DSCAM: variants seen among roughly 807,000 people sequenced by gnomAD.
DSCAM encodes the protein DS cell adhesion molecule.
A neutral mutation model predicts 217.7 loss-of-function variants in DSCAM; 47 were observed. The observed-to-expected ratio is 0.22, with a 90% CI of 0.17 to 0.28. DSCAM has a LOEUF of 0.28. Ranked by LOEUF, DSCAM falls within the 10% of genes least tolerant of loss-of-function variation. The pLI is 1.00. For missense variants in DSCAM, 2,080 were observed against 2,618.3 expected (o/e 0.79, Z 4.49); for synonymous variants, 1,056 against 1,015.3 (o/e 1.04, Z -0.76).
At chr21:40,704,039 T>A (rs1471931830) in intron 2 of DSCAM, among the ~76,000 whole-genome samples, 1 of 152,148 alleles carries the variant, frequency 6.6e-6, no homozygotes, top group Non-Finnish European at 1.5e-5. Context: ...TATTTATACA[T>A]TATTATTATT....
chr21:40,148,842 T>C (rs1374171459), intron 16 of DSCAM, among the ~76,000 whole-genome samples: 2 of 152,028 alleles, frequency 1.3e-5, no homozygotes, highest in African/African-American at 2.4e-5. Flanking sequence ...CAACCACCAG[T>C]ATCAACATCA....
At chr21:40,493,873 A>ATATAT (rs1380592882) in intron 3 of DSCAM, among the ~76,000 whole-genome samples, 2 of 137,238 alleles carry the variant, frequency 1.5e-5, no homozygotes, top group South Asian at 2.4e-4. Flanking sequence ...CAAAAAAAAA[A>ATATAT]AAAAAAATAT....
chr21:40,262,765 A>G (rs1231300386), intron 11 of DSCAM, among the ~76,000 whole-genome samples: 1 of 152,236 alleles, frequency 6.6e-6, no homozygotes, highest in African/African-American at 2.4e-5. Flanking sequence ...GAAATGAGGT[A>G]CAAGGACAGC....
In DSCAM at chr21:40,648,491, G is replaced by A. The variant is rs560698587; in HGVS notation, c.508+44319C>T. Among the ~76,000 whole-genome samples, 40 of 152,206 alleles carry A rather than the reference G, an allele frequency of 2.6e-4. 1 individual carries two copies. In the South Asian group the frequency reaches 3.5e-3, roughly 13 times the overall value. ...CCCATTGAAACCCAACCTTCAAGCCGAAGACAGTTTAAAGCCTAGCTATAA... is the reference window on the plus strand; with the variant it reads ...CCCATTGAAACCCAACCTTCAAGCCAAAGACAGTTTAAAGCCTAGCTATAA... On this transcript the variant is annotated intron_variant, in intron 3 of 32. Coordinates refer to ENST00000400454, the MANE Select transcript of DSCAM (RefSeq NM_001389.5).
At chr21:40,349,005 C>T (rs1000437977) in intron 5 of DSCAM, among the ~76,000 whole-genome samples, 13 of 151,274 alleles carry the variant, frequency 8.6e-5, no homozygotes, top group East Asian at 3.9e-4. Context: ...GGCGTGGTGG[C>T]GGGCTCCTGT....
At chr21:40,086,566 C>T (rs748179297) in intron 22 of DSCAM, among the ~76,000 whole-genome samples, 10 of 152,096 alleles carry the variant, frequency 6.6e-5, no homozygotes, top group Non-Finnish European at 1.5e-5. Context: ...AATGAATTTT[C>T]GACCCTTAAC....
At chr21:40,351,423 G>T (rs2074629898) in intron 5 of DSCAM, among the ~76,000 whole-genome samples, 1 of 152,166 alleles carries the variant, frequency 6.6e-6, no homozygotes, top group African/African-American at 2.4e-5. Flanking sequence ...CTAAATTTCT[G>T]AAAGAAAGCT....
In DSCAM at chr21:40,016,367, G is replaced by A. The variant is rs2088157517; in HGVS notation, c.5687-2981C>T. On this transcript the variant is annotated intron_variant, in intron 32 of 32. Coordinates refer to ENST00000400454, the MANE Select transcript of DSCAM (RefSeq NM_001389.5). This position sits in a 1 kb window ranked among gnomAD's most constrained non-coding sequence, Gnocchi z 4.3. Reference sequence around the variant, plus strand: ...ATCACTAACTGTGAAAGGGTGTATAGGGGAAAGATCGTACTTTGATGACAA... The same window carrying A: ...ATCACTAACTGTGAAAGGGTGTATAAGGGAAAGATCGTACTTTGATGACAA... Among the ~76,000 whole-genome samples, 2 of 152,164 alleles carry A rather than the reference G, an allele frequency of 1.3e-5. No individual in the cohort carries two copies. Among genetic ancestry groups the A allele is most frequent in the Non-Finnish European group, 1.5e-5 (1 of 68,024 alleles).
intron 1 of DSCAM, among the ~76,000 whole-genome samples, chr21:40,777,865 A>G (rs1213512699): frequency 1.4e-4 from 21 of 152,190 alleles, no homozygotes; most frequent in Admixed American, 1.4e-3. Context: ...CAGAACATCA[A>G]AAACAAAGAG....
At chr21:40,801,403 G>C (rs1328190061) in intron 1 of DSCAM, among the ~76,000 whole-genome samples, 1 of 152,196 alleles carries the variant, frequency 6.6e-6, no homozygotes, top group African/African-American at 2.4e-5. Flanking sequence ...AGAAAATCAA[G>C]GGTGTAGCTC....
intron 3 of DSCAM, among the ~76,000 whole-genome samples, chr21:40,653,060 C>G (rs767725948): frequency 6.6e-6 from 1 of 152,210 alleles, no homozygotes; most frequent in Non-Finnish European, 1.5e-5. Context: ...CTATAGGTCT[C>G]CGGGAAAGAC....
chr21:40,674,801 C>T (rs2003641), intron 3 of DSCAM, among the ~76,000 whole-genome samples: 71,544 of 151,414 alleles, frequency 0.47, 17,298 homozygotes, highest in East Asian at 0.59. Flanking sequence ...CCCGGCTAAT[C>T]TTTTGTATTT....
chr21:40,464,789 G>A (rs1458466892), intron 3 of DSCAM, among the ~76,000 whole-genome samples: 1 of 148,968 alleles, frequency 6.7e-6, no homozygotes, highest in East Asian at 2.0e-4. Context: ...TTGCCAGGCT[G>A]GAGCACGGTG....
Position 40,838,125 on chromosome 21 carries a change from ATAAAT to A in DSCAM, c.43+8489_43+8493del, listed in dbSNP as rs377443953. Reference sequence around the variant, plus strand: ...ATAGCTGTCTTTTGTATTTAAAAAAATAAATTAAATTAAAATATACATAGAATTGC... The same window carrying A: ...ATAGCTGTCTTTTGTATTTAAAAAAATAAATTAAAATATACATAGAATTGC... On this transcript the variant is annotated intron_variant, in intron 1 of 32. Coordinates refer to ENST00000400454, the MANE Select transcript of DSCAM (RefSeq NM_001389.5). Among the ~76,000 whole-genome samples, 56 of 152,380 alleles carry A rather than the reference ATAAAT, an allele frequency of 3.7e-4. No individual in the cohort carries two copies. The East Asian group carries it at 7.7e-3, about 21-fold the overall frequency.
rs780138170 is a variant in DSCAM, at chr21:40,078,910, G to A, written c.4488C>T (p.Leu1496=). The part of the protein sequence containing the change: ...SINTTRVRLN[L]IGWNDGGCPI... ...GGCAGCCGCCATCATTCCAGCCAAT[G>A]AGGTTCAGCCTCACGCGTGTGGTGT... The change falls in exon 26 of 33, where the codon CTC becomes CTT. Residue 1496 remains leucine, a synonymous_variant. Coordinates refer to ENST00000400454, the MANE Select transcript of DSCAM (RefSeq NM_001389.5). 6.2e-7 allele frequency: 1 copy of A among 1,614,252 alleles called. No individual in the cohort carries two copies.
chr21:40,778,798 G>T (rs945711667), intron 1 of DSCAM, among the ~76,000 whole-genome samples: 4 of 152,040 alleles, frequency 2.6e-5, no homozygotes, highest in African/African-American at 9.7e-5. Flanking sequence ...GCCAAGGAGG[G>T]TGGATCATCT....
intron 15 of DSCAM, among the ~76,000 whole-genome samples, chr21:40,176,165 T>C (rs1206573137): frequency 6.6e-6 from 1 of 152,042 alleles, no homozygotes; most frequent in Non-Finnish European, 1.5e-5. Context: ...TGAACTTGAC[T>C]TTTCAAGGAA....
intron 3 of DSCAM, among the ~76,000 whole-genome samples, chr21:40,651,636 T>C (rs189020905): frequency 1.4e-4 from 21 of 152,318 alleles, no homozygotes; most frequent in South Asian, 4.1e-4. Flanking sequence ...TTCGTCACTC[T>C]CTGACCTGTT....
intron 3 of DSCAM, among the ~76,000 whole-genome samples, chr21:40,650,544 G>A (rs982195084): frequency 1.3e-5 from 2 of 152,212 alleles, no homozygotes; most frequent in African/African-American, 4.8e-5. Flanking sequence ...TTCAGAGCCC[G>A]GATAGAACAG....
Sources: allele counts gnomAD v4.1 joint callset (sites outside exome capture counted in the v4.1 genomes callset), GRCh38; gene constraint gnomAD v4.1.1; non-coding constraint Gnocchi (gnomAD v3.1); transcripts MANE v1.5; gene names NCBI Gene and HGNC (gene_info 2026-07-23, HGNC 2026-07-21).